Variants in KCNH7 observed in about 807,000 individuals in gnomAD.
The protein encoded by KCNH7 is voltage-gated inwardly rectifying potassium channel KCNH7.
Under a neutral mutation model 120.8 loss-of-function variants are expected in KCNH7, and 49 were observed. The ratio of observed to expected loss-of-function variants is 0.41; its 90% CI spans 0.32 to 0.51. The LOEUF (loss-of-function observed/expected upper bound fraction) is 0.51. KCNH7 is among the 20% of genes least tolerant of loss of function. The probability of loss-of-function intolerance (pLI) is 0.38; values close to 1 mark genes in which losing one functional copy is unlikely to be tolerated. For synonymous variants in KCNH7, 547 were observed against 516.1 expected (o/e 1.06, Z -0.81); for missense variants, 1,097 against 1,446.6 (o/e 0.76, Z 3.92).
chr2:162,825,732 C>A (rs1270821488), intron 2 of KCNH7, among the ~76,000 whole-genome samples: 1 of 151,724 alleles, frequency 6.6e-6, no homozygotes, highest in Non-Finnish European at 1.5e-5. Context: ...CAATTATGGT[C>A]TGTGTAAAAA....
intron 2 of KCNH7, among the ~76,000 whole-genome samples, chr2:162,759,115 C>A (rs1688883825): frequency 6.6e-6 from 1 of 151,988 alleles, no homozygotes; most frequent in Non-Finnish European, 1.5e-5. Context: ...TCTTTTACCT[C>A]CAGGAGTAAC....
chr2:162,773,467 G>A (rs1683133100), intron 2 of KCNH7, among the ~76,000 whole-genome samples: 1 of 152,162 alleles, frequency 6.6e-6, no homozygotes, highest in South Asian at 2.1e-4. Flanking sequence ...CAGCCTCCTC[G>A]GCAACAGAGT....
Position 162,542,519 on chromosome 2 carries a change from C to T in KCNH7, c.308-5439G>A, listed in dbSNP as rs533845206. On this transcript the variant is annotated intron_variant, in intron 2 of 15. Transcript: ENST00000332142. Reference sequence around the variant, plus strand: ...TGCAGCGTTTGGCTTTTTGTCCTTGCGATAGTTTACTGAGAATGATGATTT... The same window carrying T: ...TGCAGCGTTTGGCTTTTTGTCCTTGTGATAGTTTACTGAGAATGATGATTT... Among the ~76,000 whole-genome samples, 30 of 149,910 alleles carry T rather than the reference C, an allele frequency of 2.0e-4. No homozygotes were observed. The East Asian group carries it at 5.0e-3, about 25-fold the overall frequency.
intron 2 of KCNH7, among the ~76,000 whole-genome samples, chr2:162,583,809 T>G (rs1029596121): frequency 6.6e-6 from 1 of 152,100 alleles, no homozygotes; most frequent in Non-Finnish European, 1.5e-5. Flanking sequence ...AATGTCTTCA[T>G]AAAGCTGTCC....
At chr2:162,644,559 C>T (rs7425510) in intron 2 of KCNH7, among the ~76,000 whole-genome samples, 6,688 of 152,130 alleles carry the variant, frequency 0.044, 279 homozygotes, top group East Asian at 0.12. Flanking sequence ...AGGATTTATC[C>T]AAAGTACAAA....
intron 12 of KCNH7, among the ~76,000 whole-genome samples, chr2:162,390,253 T>TATAC (rs960742608): frequency 2.7e-5 from 4 of 149,310 alleles, no homozygotes; most frequent in African/African-American, 9.8e-5. Flanking sequence ...TATATATATA[T>TATAC]ACACACACAC....
chr2:162,445,920 C>A (rs1405119492), intron 7 of KCNH7, 98 bp downstream of exon 7: 5 of 915,216 alleles, frequency 5.5e-6, no homozygotes, highest in Non-Finnish European at 6.4e-6. Flanking sequence ...CAGTGAGATA[C>A]AAGAAGCTTG....
chr2:162,541,252 G>T (rs570075518), intron 2 of KCNH7, among the ~76,000 whole-genome samples: 2 of 152,060 alleles, frequency 1.3e-5, no homozygotes, highest in Non-Finnish European at 2.9e-5. Flanking sequence ...AATGGATTAC[G>T]TATAAGGACT....
intron 8 of KCNH7, among the ~76,000 whole-genome samples, chr2:162,432,648 A>G (rs1688108624): frequency 1.3e-5 from 2 of 152,078 alleles, no homozygotes; most frequent in Non-Finnish European, 2.9e-5. Context: ...CAAACTAGGC[A>G]TTGAAAGATC....
intron 6 of KCNH7, among the ~76,000 whole-genome samples, chr2:162,467,559 C>G (rs1367553810): frequency 1.3e-5 from 2 of 152,128 alleles, no homozygotes; most frequent in Non-Finnish European, 2.9e-5. Context: ...GCCTGAACAC[C>G]CTTTAGAAGC....
At chr2:162,776,338 G>A (rs1278551990) in intron 2 of KCNH7, among the ~76,000 whole-genome samples, 2 of 152,066 alleles carry the variant, frequency 1.3e-5, no homozygotes, top group African/African-American at 4.8e-5. Context: ...AAACGATCTG[G>A]GCCAAATCAG....
intron 2 of KCNH7, among the ~76,000 whole-genome samples, chr2:162,573,769 T>C (rs1473636855): frequency 6.6e-6 from 1 of 152,056 alleles, no homozygotes; most frequent in Non-Finnish European, 1.5e-5. Flanking sequence ...CAATATGGTA[T>C]ACTTGACTGC....
Position 162,536,990 on chromosome 2 carries a change from G to C in KCNH7, c.398C>G (p.Thr133Arg). The C allele has an allele frequency of 1.9e-6, 3 of 1,612,520 alleles. No individual in the cohort carries two copies. Among genetic ancestry groups the C allele is most frequent in the Middle Eastern group, 3.3e-4 (2 of 6,054 alleles). Reference sequence around the variant, plus strand: ...TGGGGTGGCAGCGTTTTCATTATCCGTCACATATTCAAAATTAATGATGAA... The same window carrying C: ...TGGGGTGGCAGCGTTTTCATTATCCCTCACATATTCAAAATTAATGATGAA... Reference protein sequence around the residue: ...MMFIINFEYVTDNENAATPER... With the variant: ...MMFIINFEYVRDNENAATPER... The change falls in exon 3 of 16, where the codon ACG becomes AGG. Residue 133 changes from threonine to arginine, a missense_variant. Physicochemically the swap from Thr to Arg is moderately conservative, Grantham distance 71. Around this residue, in one of 8 missense-constraint regions of KCNH7, gnomAD observed 362 missense variants for 372.2 expected, o/e 0.97. Coordinates refer to ENST00000332142, the MANE Select transcript of KCNH7 (RefSeq NM_033272.4).
At chr2:162,729,634 T>C (rs1253383679) in intron 2 of KCNH7, among the ~76,000 whole-genome samples, 1 of 152,162 alleles carries the variant, frequency 6.6e-6, no homozygotes, top group Non-Finnish European at 1.5e-5. Context: ...TTCCATGCTT[T>C]TAAAACTAGA....
intron 9 of KCNH7, among the ~76,000 whole-genome samples, chr2:162,418,854 T>TC (rs1687614029): frequency 6.6e-6 from 1 of 152,146 alleles, no homozygotes; most frequent in Non-Finnish European, 1.5e-5. Context: ...TCTTTATTAT[T>TC]CTCTGTTCCA....
chr2:162,764,814 A>G (rs1682717192), intron 2 of KCNH7, among the ~76,000 whole-genome samples: 1 of 152,212 alleles, frequency 6.6e-6, no homozygotes, highest in African/African-American at 2.4e-5. Flanking sequence ...ATATTTTAGT[A>G]TGTTATGAAG....
At chr2:162,428,665 T>C (rs1025494759) in intron 8 of KCNH7, among the ~76,000 whole-genome samples, 3 of 151,964 alleles carry the variant, frequency 2.0e-5, no homozygotes, top group Non-Finnish European at 4.4e-5. Flanking sequence ...TGTGAATTTG[T>C]CAATTTCTCC....
At chr2:162,817,328 C>A (rs894370308) in intron 2 of KCNH7, among the ~76,000 whole-genome samples, 9 of 152,092 alleles carry the variant, frequency 5.9e-5, no homozygotes, top group African/African-American at 1.9e-4. Context: ...AATGCGCATT[C>A]TTTTGTTTCT....
chr2:162,505,742 C>T (rs1690853772), intron 5 of KCNH7, among the ~76,000 whole-genome samples: 1 of 151,920 alleles, frequency 6.6e-6, no homozygotes, highest in South Asian at 2.1e-4. Context: ...GTGGTTAAAA[C>T]ATACAAATTC....
Sources: allele counts gnomAD v4.1 joint callset (sites outside exome capture counted in the v4.1 genomes callset), GRCh38; gene constraint gnomAD v4.1.1; regional missense constraint gnomAD v4.1.1; transcripts MANE v1.5; gene names NCBI Gene and HGNC (gene_info 2026-07-23, HGNC 2026-07-21).